PTPRK: variants seen among roughly 807,000 people sequenced by gnomAD.
The protein encoded by PTPRK is receptor-type tyrosine-protein phosphatase kappa.
Under a neutral mutation model 178.0 loss-of-function variants are expected in PTPRK, and 75 were observed. That is an observed-to-expected ratio of 0.42 (90% confidence interval 0.35 to 0.51). The LOEUF is 0.51. Among genes scored for constraint, PTPRK ranks in the 20% least tolerant of loss-of-function variants. The probability of loss-of-function intolerance (pLI) is 0.02; values close to 1 mark genes in which losing one functional copy is unlikely to be tolerated. For missense variants in PTPRK, 1,441 were observed against 1,797.8 expected (o/e 0.80, Z 3.59); for synonymous variants, 637 against 620.6 (o/e 1.03, Z -0.39).
intron 7 of PTPRK, among the ~76,000 whole-genome samples, chr6:128,134,615 A>T (rs766411696): frequency 5.1e-4 from 78 of 152,144 alleles, no homozygotes; most frequent in Non-Finnish European, 9.7e-4. Context: ...GTTCAAGACC[A>T]GCCTGGGCGA....
At chr6:128,182,458 C>T (rs1424370371) in intron 7 of PTPRK, among the ~76,000 whole-genome samples, 1 of 152,028 alleles carries the variant, frequency 6.6e-6, no homozygotes, top group Non-Finnish European at 1.5e-5. Context: ...CCTGTAATCC[C>T]AGCTACTCGG....
intron 2 of PTPRK, among the ~76,000 whole-genome samples, chr6:128,352,648 A>T (rs554835052): frequency 1.3e-5 from 2 of 152,230 alleles, no homozygotes; most frequent in Admixed American, 1.3e-4. Context: ...CTCTGCATGG[A>T]GGACCACTCT....
chr6:128,447,981 G>T (rs192135520), intron 1 of PTPRK, among the ~76,000 whole-genome samples: 2 of 152,210 alleles, frequency 1.3e-5, no homozygotes. Context: ...TTTTTATTTG[G>T]AAATATTGGG....
intron 7 of PTPRK, among the ~76,000 whole-genome samples, chr6:128,108,707 C>G (rs1790135289): frequency 6.6e-6 from 1 of 152,000 alleles, no homozygotes; most frequent in African/African-American, 2.4e-5. Flanking sequence ...GCTTGGGCTT[C>G]CATAAACTAT....
At chr6:128,505,497 A>G (rs534101422) in intron 1 of PTPRK, among the ~76,000 whole-genome samples, 6 of 152,214 alleles carry the variant, frequency 3.9e-5, no homozygotes, top group African/African-American at 1.4e-4. Flanking sequence ...GTTTATGAAG[A>G]CAGCTGCTGC....
intron 8 of PTPRK, among the ~76,000 whole-genome samples, chr6:128,086,776 G>C (rs1785910124): frequency 6.6e-6 from 1 of 151,988 alleles, no homozygotes; most frequent in African/African-American, 2.4e-5. Flanking sequence ...CTTCATGGAA[G>C]AGTTTACGTA....
intron 3 of PTPRK, among the ~76,000 whole-genome samples, chr6:128,310,793 C>A (rs1379121309): frequency 6.6e-6 from 1 of 152,176 alleles, no homozygotes; most frequent in Non-Finnish European, 1.5e-5. Context: ...ACTTTATTCT[C>A]CAGGAGATCT....
At chr6:128,465,718 A>G (rs529082579) in intron 1 of PTPRK, among the ~76,000 whole-genome samples, 3 of 152,246 alleles carry the variant, frequency 2.0e-5, no homozygotes, top group Non-Finnish European at 2.9e-5. Flanking sequence ...ATTGAATGAC[A>G]AGCTCTCTTG....
chr6:128,158,055 T>A (rs993609831), intron 7 of PTPRK, among the ~76,000 whole-genome samples: 3 of 152,038 alleles, frequency 2.0e-5, no homozygotes, highest in Non-Finnish European at 4.4e-5. Flanking sequence ...TCTCCTAGGG[T>A]TTTTATGGTT....
chr6:128,120,808 A>G (rs781674738), intron 7 of PTPRK, among the ~76,000 whole-genome samples: 1 of 151,912 alleles, frequency 6.6e-6, no homozygotes, highest in Non-Finnish European at 1.5e-5. Context: ...ATATAACGCT[A>G]AAGTAAAATT....
chr6:128,287,173 T>C (rs1822639945), intron 3 of PTPRK, among the ~76,000 whole-genome samples: 1 of 152,154 alleles, frequency 6.6e-6, no homozygotes, highest in Non-Finnish European at 1.5e-5. Flanking sequence ...GTGAAAGTGC[T>C]AGATCCTATT....
chr6:128,283,398 T>C lies in PTPRK; in HGVS notation c.495+38641A>G, dbSNP rs141404600. Among the ~76,000 whole-genome samples, 563 of 152,318 alleles carry C rather than the reference T, an allele frequency of 3.7e-3. 2 individuals carry two copies. Among genetic ancestry groups the C allele is most frequent in the African/African-American group, 0.013 (538 of 41,570 alleles). Reference sequence around the variant, plus strand: ...ATACAATTAGTACATTTTTGATGTATGAGAAGAATTTCTCAGTTATAAAGC... The same window carrying C: ...ATACAATTAGTACATTTTTGATGTACGAGAAGAATTTCTCAGTTATAAAGC... On this transcript the variant is annotated intron_variant, in intron 3 of 29. Coordinates refer to ENST00000368226, the MANE Select transcript of PTPRK (RefSeq NM_002844.4).
Position 128,219,116 on chromosome 6 carries a change from T to C in PTPRK, c.694-20A>G. ...TCGTCTCTGCAAACAGAAACCAATC[T>C]TTAAAAACAGGTTCTTACTATTTTC... On this transcript the variant is annotated intron_variant, in intron 5 of 29. Coordinates refer to ENST00000368226, the MANE Select transcript of PTPRK (RefSeq NM_002844.4). The C allele has an allele frequency of 6.3e-7, 1 of 1,585,510 alleles. No homozygotes were observed. Among genetic ancestry groups the C allele is most frequent in the Non-Finnish European group, 8.6e-7 (1 of 1,158,846 alleles).
Position 128,054,599 on chromosome 6 carries a change from C to A in PTPRK, c.2194+10159G>T, listed in dbSNP as rs9482870. On this transcript the variant is annotated intron_variant, in intron 13 of 29. Coordinates refer to ENST00000368226, the MANE Select transcript of PTPRK (RefSeq NM_002844.4). ...TTTGAATCTAGAATCTAGTCTGAAT[C>A]CAAGGCTAATGCTATTTGCAGTGGG... Among the ~76,000 whole-genome samples, 1,359 of 152,230 alleles carry A rather than the reference C, an allele frequency of 8.9e-3. 20 individuals are homozygous for A. The highest frequency in any genetic ancestry group is 0.031 in the African/African-American group (1,274 of 41,532).
intron 2 of PTPRK, among the ~76,000 whole-genome samples, chr6:128,329,304 GAA>G (rs1394045478): frequency 6.6e-6 from 1 of 151,826 alleles, no homozygotes; most frequent in Non-Finnish European, 1.5e-5. Context: ...GAATGAAGAT[GAA>G]AAAAGTTGAA....
chr6:128,278,794 A>T (rs1738295), intron 3 of PTPRK, among the ~76,000 whole-genome samples: 3,091 of 152,310 alleles, frequency 0.02, 104 homozygotes, highest in African/African-American at 0.07. Context: ...TACTATAAAA[A>T]ATTCTTAACA....
At chr6:127,992,761 A>G (rs772949892) in intron 18 of PTPRK, 52 bp from the exon 19 acceptor site, 6 of 1,405,588 alleles carry the variant, frequency 4.3e-6, no homozygotes, top group Non-Finnish European at 5.9e-6. Context: ...TCAGAAATAA[A>G]TGAATGAAGG....
chr6:128,273,870 AAC>A (rs1220009856), intron 3 of PTPRK, among the ~76,000 whole-genome samples: 1 of 150,258 alleles, frequency 6.7e-6, no homozygotes, highest in Non-Finnish European at 1.5e-5. Flanking sequence ...ATCAAAATCA[AAC>A]AGTTAGTTGT....
At chr6:128,021,370 C>G (rs545656613) in intron 13 of PTPRK, among the ~76,000 whole-genome samples, 116 of 152,290 alleles carry the variant, frequency 7.6e-4, no homozygotes, top group African/African-American at 2.7e-3. Context: ...GGCGCAGTGG[C>G]TCACGCCTGT....
Sources: gnomAD v4.1 joint callset for allele counts (sites outside exome capture counted in the v4.1 genomes callset) on GRCh38, gnomAD v4.1.1 for gene constraint, MANE v1.5 for transcripts, NCBI Gene and HGNC (gene_info 2026-07-23, HGNC 2026-07-21) for gene names.